CACNB2: variants seen among roughly 807,000 people sequenced by gnomAD.
CACNB2 encodes calcium voltage-gated channel auxiliary subunit beta 2.
A neutral mutation model predicts 73.3 loss-of-function variants in CACNB2; 42 were observed. The ratio of observed to expected loss-of-function variants is 0.57; its 90% CI spans 0.45 to 0.74. The LOEUF (loss-of-function observed/expected upper bound fraction) is 0.74. CACNB2 is among the 30% of genes least tolerant of loss of function. CACNB2 has a pLI of 0.00. For synonymous variants in CACNB2, 348 were observed against 310.3 expected (o/e 1.12, Z -1.28); for missense variants, 940 against 853.0 (o/e 1.10, Z -1.27).
At chr10:18,419,614 T>C (rs1250985422) in intron 3 of CACNB2, among the ~76,000 whole-genome samples, 1 of 152,070 alleles carries the variant, frequency 6.6e-6, no homozygotes, top group Non-Finnish European at 1.5e-5. Flanking sequence ...GGAAAAGGGG[T>C]CTTGTCCAGA....
chr10:18,179,486 G>A (rs545614686), intron 2 of CACNB2, among the ~76,000 whole-genome samples: 4 of 152,214 alleles, frequency 2.6e-5, no homozygotes, highest in South Asian at 4.2e-4. Flanking sequence ...GATTTTTGTG[G>A]TCAGGTTCAG....
At chr10:18,289,001 C>T (rs1050539093) in intron 2 of CACNB2, among the ~76,000 whole-genome samples, 15 of 152,084 alleles carry the variant, frequency 9.9e-5, no homozygotes, top group African/African-American at 3.6e-4. Context: ...GCCAAGATGG[C>T]ATCACTGCAC....
intron 1 of CACNB2, among the ~76,000 whole-genome samples, chr10:18,150,171 G>A (rs1001806924): frequency 4.6e-5 from 7 of 152,154 alleles, no homozygotes; most frequent in Admixed American, 2.0e-4. Flanking sequence ...AAACATAATA[G>A]GAAAAGCAAG....
chr10:18,351,759 A>G (rs1422960594), intron 2 of CACNB2, among the ~76,000 whole-genome samples: 1 of 152,234 alleles, frequency 6.6e-6, no homozygotes, highest in Non-Finnish European at 1.5e-5. Context: ...AAAGTTTTTC[A>G]CATAATTTAA....
chr10:18,205,771 T>A (rs755110240), intron 2 of CACNB2, among the ~76,000 whole-genome samples: 93 of 152,088 alleles, frequency 6.1e-4, no homozygotes, highest in Non-Finnish European at 1.0e-3. Flanking sequence ...GTTTCAATGT[T>A]CCCTGCTCCT....
chr10:18,197,458 G>T (rs2034676108), intron 2 of CACNB2, among the ~76,000 whole-genome samples: 1 of 152,134 alleles, frequency 6.6e-6, no homozygotes, highest in Non-Finnish European at 1.5e-5. Flanking sequence ...CCCAACACAG[G>T]CTTAATCCAA....
At chr10:18,336,587 C>G (rs538967596) in intron 2 of CACNB2, among the ~76,000 whole-genome samples, 32 of 151,794 alleles carry the variant, frequency 2.1e-4, no homozygotes, top group Middle Eastern at 3.4e-3. Flanking sequence ...CCACTGCACT[C>G]CAGCCTGGGT....
intron 2 of CACNB2, among the ~76,000 whole-genome samples, chr10:18,197,124 A>G (rs2034661647): frequency 6.6e-6 from 1 of 151,878 alleles, no homozygotes; most frequent in Non-Finnish European, 1.5e-5. Flanking sequence ...TGATCATGAC[A>G]TTGGTTGATA....
At chr10:18,355,393 T>A (rs1346148302) in intron 2 of CACNB2, among the ~76,000 whole-genome samples, 2 of 152,210 alleles carry the variant, frequency 1.3e-5, no homozygotes, top group Admixed American at 6.5e-5. Flanking sequence ...GTCGTTTTTT[T>A]AAAAATGGGA....
chr10:18,484,604 C>T (rs1439533644), intron 3 of CACNB2, among the ~76,000 whole-genome samples: 2 of 152,122 alleles, frequency 1.3e-5, no homozygotes, highest in African/African-American at 4.8e-5. Context: ...ACCTGAGAAT[C>T]CAAACTTTTC....
intron 2 of CACNB2, chr10:18,401,092 G>A: frequency 6.2e-7 from 1 of 1,614,188 alleles, no homozygotes; most frequent in Non-Finnish European, 8.5e-7. Flanking sequence ...GAAGAATTCT[G>A]ATATCTGTGT....
chr10:18,453,701 CT>C (rs1228642712), intron 3 of CACNB2, among the ~76,000 whole-genome samples: 1 of 152,232 alleles, frequency 6.6e-6, no homozygotes. Flanking sequence ...GCGATCTCGG[CT>C]GGCTGCAACC....
intron 3 of CACNB2, among the ~76,000 whole-genome samples, chr10:18,421,539 A>G (rs1432125319): frequency 6.6e-6 from 1 of 152,106 alleles, no homozygotes; most frequent in Non-Finnish European, 1.5e-5. Flanking sequence ...ACCTCAGGTG[A>G]TCCACCCACC....
chr10:18,162,087 A>G (rs1475776762), intron 2 of CACNB2, among the ~76,000 whole-genome samples: 1 of 152,096 alleles, frequency 6.6e-6, no homozygotes, highest in Non-Finnish European at 1.5e-5. Context: ...TCTCTCTCAT[A>G]TTTAAAAACA....
chr10:18,447,020 G>C (rs966583337), intron 3 of CACNB2, among the ~76,000 whole-genome samples: 14 of 151,420 alleles, frequency 9.2e-5, no homozygotes, highest in Non-Finnish European at 2.1e-4. Context: ...TGATTATGCC[G>C]TTGTACTCCA....
chr10:18,220,426 AT>A (rs1322556429), intron 2 of CACNB2, among the ~76,000 whole-genome samples: 2 of 148,328 alleles, frequency 1.3e-5, no homozygotes, highest in African/African-American at 2.5e-5. Flanking sequence ...TGCCCAGCTA[AT>A]TTTTTTTAAT....
intron 2 of CACNB2, among the ~76,000 whole-genome samples, chr10:18,301,564 C>T (rs1216708315): frequency 6.6e-6 from 1 of 151,932 alleles, no homozygotes; most frequent in Non-Finnish European, 1.5e-5. Context: ...CACTGCACTC[C>T]AGCCTGGGTA....
intron 3 of CACNB2, among the ~76,000 whole-genome samples, chr10:18,466,522 G>A (rs750863259): frequency 2.0e-5 from 3 of 152,016 alleles, no homozygotes; most frequent in Non-Finnish European, 4.4e-5. Context: ...TCATCAGCTT[G>A]GTTTTTTGGT....
chr10:18,396,129 G>A (rs551330489), intron 2 of CACNB2, among the ~76,000 whole-genome samples: 6 of 151,818 alleles, frequency 4.0e-5, no homozygotes, highest in Non-Finnish European at 7.4e-5. Flanking sequence ...GCTAATTTTT[G>A]TATTTTTAGT....
Sources: allele counts gnomAD v4.1 joint callset (sites outside exome capture counted in the v4.1 genomes callset), GRCh38; gene constraint gnomAD v4.1.1; transcripts MANE v1.5; gene names NCBI Gene and HGNC (gene_info 2026-07-23, HGNC 2026-07-21).